The following KIAA0513 variants were observed in gnomAD, a reference collection of about 807,000 sequenced individuals.
KIAA0513 encodes the protein KIAA0513.
Under a neutral mutation model 56.5 loss-of-function variants are expected in KIAA0513, and 39 were observed. The ratio of observed to expected loss-of-function variants is 0.69; its 90% CI spans 0.53 to 0.90. The LOEUF (loss-of-function observed/expected upper bound fraction) is 0.90, where lower values mean the gene tolerates loss of function less well. Ranked by LOEUF, KIAA0513 falls within the 40% of genes least tolerant of loss-of-function variation. The pLI, the probability that KIAA0513 is intolerant of heterozygous loss-of-function variation, is 0.00. For missense variants in KIAA0513, 591 were observed against 535.2 expected, an observed-to-expected ratio of 1.10 and a Z score of -1.03; for synonymous variants, 268 against 215.6, an observed-to-expected ratio of 1.24 and a Z score of -2.13.
chr16:85,089,918 A>G lies in KIAA0513; in HGVS notation c.*1593A>G, dbSNP rs1335193676. 2.0e-5 allele frequency: 3 copies of G among 152,158 alleles called. No homozygotes were observed. The highest frequency in any genetic ancestry group is 2.9e-5 in the Non-Finnish European group (2 of 68,088). The allele number at this position is 152,158 out of a possible 1,614,324, so 9.4% of individuals were successfully genotyped here. On this transcript the variant is annotated 3_prime_UTR_variant, in exon 13 of 13. Transcript: ENST00000683363. The surrounding 1 kb of genome is among the most constrained non-coding windows in gnomAD (Gnocchi z 4.2). The stretch of plus-strand genomic sequence containing the variant: ...TGGTGTCATCTGATGCATTTGGACC[A>G]TATGCTGCCAGACTGCAGAACGGGG...
At chr16:85,069,530 C>T (rs775626384) in intron 2 of KIAA0513, among the ~76,000 whole-genome samples, 87 of 152,026 alleles carry the variant, frequency 5.7e-4, no homozygotes, top group Non-Finnish European at 1.1e-3. Context: ...GGAATCTGTG[C>T]ATCAGCCTGA....
At chr16:85,074,327 CGTATATAT>C (rs2073624212) in intron 4 of KIAA0513, among the ~76,000 whole-genome samples, 4 of 143,994 alleles carry the variant, frequency 2.8e-5, no homozygotes, top group Non-Finnish European at 4.5e-5. Context: ...CACACACACA[CGTATATAT>C]ACACACATAC....
chr16:85,059,836 T>C (rs1230847167), intron 1 of KIAA0513, among the ~76,000 whole-genome samples: 2 of 152,256 alleles, frequency 1.3e-5, no homozygotes, highest in African/African-American at 2.4e-5. Flanking sequence ...AGGCCCTTCA[T>C]GTAGTGCGTC....
intron 1 of KIAA0513, among the ~76,000 whole-genome samples, chr16:85,048,447 G>T (rs2073201866): frequency 6.6e-6 from 1 of 152,106 alleles, no homozygotes; most frequent in African/African-American, 2.4e-5. Context: ...TGCACGATTG[G>T]ATCTGGGCTT....
chr16:85,078,416 G>A lies in KIAA0513; in HGVS notation c.784G>A (p.Glu262Lys), dbSNP rs778755784. The change falls in exon 7 of 13, where the codon GAA (glutamate) becomes AAA (lysine). Residue 262 changes from glutamate to lysine, a missense_variant and splice_region_variant. Glu to Lys is a moderately conservative substitution (Grantham distance 56). Transcript: ENST00000683363. ...LKGPLARRNE[E>K]DENKPQEKRP... The stretch of plus-strand genomic sequence containing the variant: ...ATCATTGTGCCTTCTCTCCCTCAGG[G>A]AAGACGAGAACAAACCCCAGGAGAA... 6 of 1,613,902 alleles carry A rather than the reference G, an allele frequency of 3.7e-6. No individual in the cohort carries two copies. In the East Asian group the frequency reaches 1.3e-4, roughly 36 times the overall value.
At position 85,076,716 on chromosome 16, in the gene KIAA0513, G is replaced by C. The variant is rs575689084; in HGVS notation, c.575-709G>C. The stretch of plus-strand genomic sequence containing the variant: ...CATGGCTGGTGTCCCAGCCTCACCA[G>C]TGGGCAGGCCCTTCCTGCCAGGCCA... On this transcript the variant is annotated intron_variant, in intron 5 of 12. Transcript: ENST00000683363. The surrounding 1 kb of genome is among the most constrained non-coding windows in gnomAD (Gnocchi z 4.7). 6.6e-6 allele frequency among the ~76,000 whole-genome samples: 1 copy of C among 152,184 alleles called. No homozygotes were observed. Among genetic ancestry groups the C allele is most frequent in the African/African-American group, 2.4e-5 (1 of 41,446 alleles).
chr16:85,040,816 C>T (rs1230171571), intron 1 of KIAA0513, among the ~76,000 whole-genome samples: 1 of 152,164 alleles, frequency 6.6e-6, no homozygotes, highest in Non-Finnish European at 1.5e-5. Context: ...TGTAGAGAAG[C>T]CATCTAGAGA....
intron 2 of KIAA0513, among the ~76,000 whole-genome samples, chr16:85,069,067 G>C (rs1162150312): frequency 6.6e-6 from 1 of 152,078 alleles, no homozygotes; most frequent in Non-Finnish European, 1.5e-5. Flanking sequence ...GTCTTACTCT[G>C]TTGCCCAGGC....
intron 1 of KIAA0513, among the ~76,000 whole-genome samples, chr16:85,038,048 T>C (rs1484423116): frequency 6.6e-6 from 1 of 152,204 alleles, no homozygotes; most frequent in African/African-American, 2.4e-5. Context: ...GCTCCTGGGA[T>C]GTATTCCCAA....
intron 5 of KIAA0513, 71 bp from the exon 6 acceptor site, chr16:85,077,354 C>G: frequency 2.1e-6 from 3 of 1,452,320 alleles, no homozygotes; most frequent in Non-Finnish European, 2.9e-6. Context: ...GGGGCTCCCT[C>G]TGGGCCTCTG....
intron 1 of KIAA0513, among the ~76,000 whole-genome samples, chr16:85,061,883 G>T (rs931750092): frequency 5.9e-5 from 9 of 152,188 alleles, no homozygotes; most frequent in Non-Finnish European, 1.2e-4. Flanking sequence ...GACCGCTGTG[G>T]CCTCTTTTCC....
At chr16:85,070,407 G>A (rs973259146) in intron 2 of KIAA0513, among the ~76,000 whole-genome samples, 1 of 151,976 alleles carries the variant, frequency 6.6e-6, no homozygotes, top group Non-Finnish European at 1.5e-5. Context: ...GGCTGAGTAC[G>A]GTGGCTCACA....
At chr16:85,054,421 C>CTTTTTTTTTTTTTTTTTTTTTTTT (rs398042273) in intron 1 of KIAA0513, among the ~76,000 whole-genome samples, 1 of 119,552 alleles carries the variant, frequency 8.4e-6, no homozygotes, top group Non-Finnish European at 1.7e-5. Flanking sequence ...TTTTTCTTTT[C>CTTTTTTTTTTTTTTTTTTTTTTTT]TTTTTTTTTT....
At chr16:85,058,636 G>A (rs2073362403) in intron 1 of KIAA0513, among the ~76,000 whole-genome samples, 1 of 144,306 alleles carries the variant, frequency 6.9e-6, no homozygotes, top group South Asian at 2.2e-4. Context: ...TGGGCAACAA[G>A]AGCGGAACTC....
At chr16:85,033,487 C>T (rs2072994545) in intron 1 of KIAA0513, among the ~76,000 whole-genome samples, 1 of 152,240 alleles carries the variant, frequency 6.6e-6, no homozygotes, top group Non-Finnish European at 1.5e-5. Context: ...ATACGATGCC[C>T]TGCCACTTAG....
chr16:85,062,768 A>T (rs181900604), intron 1 of KIAA0513, among the ~76,000 whole-genome samples: 19 of 152,326 alleles, frequency 1.2e-4, no homozygotes, highest in Admixed American at 2.6e-4. Context: ...AAATGGTAGC[A>T]CCGGGCTGGC....
At chr16:85,046,734 T>A (rs1171404524) in intron 1 of KIAA0513, among the ~76,000 whole-genome samples, 1 of 152,206 alleles carries the variant, frequency 6.6e-6, no homozygotes, top group Non-Finnish European at 1.5e-5. Context: ...GCCTATCTAG[T>A]GGGTTTTTAC....
At chr16:85,072,801 C>T in intron 3 of KIAA0513, 124 bp from the exon 4 acceptor site, 1 of 917,216 alleles carries the variant, frequency 1.1e-6, no homozygotes, top group Non-Finnish European at 1.7e-6. Flanking sequence ...GCAGAGGCAG[C>T]AGACATCCTG....
chr16:85,051,744 C>T (rs986189718), intron 1 of KIAA0513, among the ~76,000 whole-genome samples: 2 of 152,098 alleles, frequency 1.3e-5, no homozygotes, highest in African/African-American at 2.4e-5. Context: ...GACTCCCTAA[C>T]GATGCTGGCG....
Sources: allele counts gnomAD v4.1 joint callset (sites outside exome capture counted in the v4.1 genomes callset), GRCh38; gene constraint gnomAD v4.1.1; non-coding constraint Gnocchi (gnomAD v3.1); transcripts MANE v1.5; gene names NCBI Gene and HGNC (gene_info 2026-07-23, HGNC 2026-07-21).